CCDC127: variants seen among roughly 807,000 people sequenced by gnomAD.
CCDC127 encodes coiled-coil domain containing 127, also known as coiled-coil domain-containing protein 127.
A neutral mutation model predicts 4.1 loss-of-function variants in CCDC127; 2 were observed. The ratio of observed to expected loss-of-function variants is 0.49; its 90% CI spans 0.20 to 1.53. The LOEUF (loss-of-function observed/expected upper bound fraction) is 1.53. Ranked by LOEUF, CCDC127 falls within the 40% of genes most tolerant of loss-of-function variation. The pLI, the probability that CCDC127 is intolerant of heterozygous loss-of-function variation, is 0.23. For missense variants in CCDC127, 271 were observed against 322.9 expected (o/e 0.84, Z 1.23); for synonymous variants, 98 against 120.4 (o/e 0.81, Z 1.22).
rs924549009 is a variant in CCDC127, at chr5:200,538, A to G, written c.*4759T>C. On this transcript the variant is annotated 3_prime_UTR_variant, in exon 3 of 3. Transcript: ENST00000296824. ...CTATGCAGAGATATGACACAGAGTG[A>G]CAAGTACTCCGAGGCCCCTGAGAGT... 1 of 152,268 alleles carries G rather than the reference A, an allele frequency of 6.6e-6. No individual in the cohort carries two copies. Among genetic ancestry groups the G allele is most frequent in the Admixed American group, 6.5e-5 (1 of 15,290 alleles). 9.4% of individuals were successfully genotyped at this position (152,268 alleles called of 1,614,324 possible).
chr5:216,678 C>G, intron 2 of CCDC127, 51 bp downstream of exon 2: 2 of 1,612,696 alleles, frequency 1.2e-6, no homozygotes, highest in Non-Finnish European at 1.7e-6. Flanking sequence ...CTCACCGGGG[C>G]TCCACACTCT....
chr5:216,722 G>A lies in CCDC127; in HGVS notation c.121+7C>T. 1 of 1,613,754 alleles carries A rather than the reference G, an allele frequency of 6.2e-7. No individual in the cohort carries two copies. Among genetic ancestry groups the A allele is most frequent in the African/African-American group, 1.3e-5 (1 of 74,962 alleles). On this transcript the variant is annotated splice_region_variant and intron_variant, in intron 2 of 2. Coordinates refer to ENST00000296824, the MANE Select transcript of CCDC127 (RefSeq NM_145265.3). ...AAAACACGAATTTTAAGAAAACCAT[G>A]ACTTACGAAAAGCAGCCAATCCCAG... is the stretch of plus-strand genomic sequence containing the variant.
intron 2 of CCDC127, chr5:215,423 A>G (rs890782884): frequency 1.3e-5 from 2 of 152,204 alleles, no homozygotes; most frequent in Non-Finnish European, 2.9e-5. Context: ...ATGGAAAATG[A>G]GTCACTTCAG....
chr5:215,773 G>A (rs1734368677), intron 2 of CCDC127: 1 of 152,170 alleles, frequency 6.6e-6, no homozygotes, highest in Non-Finnish European at 1.5e-5. Flanking sequence ...TACAACTAGA[G>A]GGCAGTTTTG....
intron 2 of CCDC127, among the ~76,000 whole-genome samples, chr5:208,968 C>G (rs371226968): frequency 7.0e-5 from 10 of 143,448 alleles, no homozygotes; most frequent in African/African-American, 2.8e-4. Context: ...GACTTCAGAG[C>G]AGCTGCCATG....
rs1349848909 is a variant in CCDC127, at chr5:205,053, T to C, written c.*244A>G. 1.2e-5 allele frequency: 6 copies of C among 492,858 alleles called. No homozygotes were observed. The highest frequency in any genetic ancestry group is 2.1e-5 in the Non-Finnish European group (6 of 279,430). 30.5% of individuals were successfully genotyped at this position (492,858 alleles called of 1,614,324 possible). A position where few individuals can be genotyped will look rare whatever the true frequency, so the allele number is the denominator to read the frequency against. ...TATACTGTTCTGCTTAATACAATAC[T>C]GGCAGCCTAAAAATGCTTCAAGAAA... On this transcript the variant is annotated 3_prime_UTR_variant, in exon 3 of 3. Coordinates refer to ENST00000296824, the MANE Select transcript of CCDC127 (RefSeq NM_145265.3).
At chr5:206,958 G>A (rs1213354517) in intron 2 of CCDC127, among the ~76,000 whole-genome samples, 1 of 151,934 alleles carries the variant, frequency 6.6e-6, no homozygotes, top group Non-Finnish European at 1.5e-5. Flanking sequence ...ACTAACTGTG[G>A]GACTCCCTCG....
rs1334769316 is a variant in CCDC127 at position 199,377 on chromosome 5, TG to T, written c.*5919del. The T allele has an allele frequency of 6.4e-6, 1 of 156,524 alleles. No individual in the cohort carries two copies. The highest frequency in any genetic ancestry group is 2.4e-5 in the African/African-American group (1 of 41,480). The allele number at this position is 156,524 out of a possible 1,614,324, so 9.7% of individuals were successfully genotyped here. ...GTGTGGTGGACGTGGCCAAGGGCCC[TG>T]GAACATCAGGGTTGCTCTCATCCAC... On this transcript the variant is annotated 3_prime_UTR_variant, in exon 3 of 3. Coordinates refer to ENST00000296824, the MANE Select transcript of CCDC127 (RefSeq NM_145265.3).
chr5:209,884 C>T (rs1734244222), intron 2 of CCDC127, among the ~76,000 whole-genome samples: 1 of 149,598 alleles, frequency 6.7e-6, no homozygotes, highest in Non-Finnish European at 1.5e-5. Context: ...TCAATTGAAA[C>T]CAAAAAAAAA....
intron 2 of CCDC127, among the ~76,000 whole-genome samples, chr5:208,948 A>G (rs1329718280): frequency 6.6e-6 from 1 of 151,998 alleles, no homozygotes; most frequent in Admixed American, 6.6e-5. Context: ...TGGCAGTATC[A>G]TCTGACAAGG....
chr5:218,113 C>T lies in CCDC127; in HGVS notation c.-31G>A. 8.2e-7 allele frequency: 1 copy of T among 1,220,878 alleles called. No homozygotes were observed. 75.6% of individuals were successfully genotyped at this position (1,220,878 alleles called of 1,614,324 possible). A position where few individuals can be genotyped will look rare whatever the true frequency, so the allele number is the denominator to read the frequency against. ...TCTACCTCGGTCGGGGAGCGCGGGA[C>T]CTCAGCGTTCCCTTAACGCCACCGT... is the stretch of plus-strand genomic sequence containing the variant. On this transcript the variant is annotated 5_prime_UTR_variant, in exon 1 of 3. Transcript: ENST00000296824.
chr5:207,606 G>A (rs949041298), intron 2 of CCDC127, among the ~76,000 whole-genome samples: 4 of 152,210 alleles, frequency 2.6e-5, no homozygotes, highest in African/African-American at 4.8e-5. Flanking sequence ...TCCAGGAGCC[G>A]GATGTGCCTG....
chr5:205,165 T>G lies in CCDC127; in HGVS notation c.*132A>C, dbSNP rs767995144. 1.3e-6 allele frequency: 1 copy of G among 765,834 alleles called. No homozygotes were observed. The allele number at this position is 765,834 out of a possible 1,614,324, so 47.4% of individuals were successfully genotyped here. On this transcript the variant is annotated 3_prime_UTR_variant, in exon 3 of 3. Coordinates refer to ENST00000296824, the MANE Select transcript of CCDC127 (RefSeq NM_145265.3). ...ACTTCTGCTCAGACGGTGGCGGGAG[T>G]GGAGGTCGCTGCTGAAGGGTGACGG...
intron 2 of CCDC127, chr5:215,841 T>C (rs1035191571): frequency 6.6e-6 from 1 of 152,080 alleles, no homozygotes; most frequent in Non-Finnish European, 1.5e-5. Flanking sequence ...CCCAGAACCA[T>C]GGAATGTGAA....
chr5:213,289 C>G (rs878888680), intron 2 of CCDC127, among the ~76,000 whole-genome samples: 5 of 42,944 alleles, frequency 1.2e-4, no homozygotes, highest in African/African-American at 4.3e-4. Context: ...GCAGCCACGA[C>G]GAGACAGCAC....
chr5:206,384 A>T (rs1219072416), intron 2 of CCDC127, among the ~76,000 whole-genome samples: 1 of 152,272 alleles, frequency 6.6e-6, no homozygotes, highest in Non-Finnish European at 1.5e-5. Context: ...ATAAGGACAC[A>T]TAAAAATAAA....
chr5:207,436 G>C (rs1354534820), intron 2 of CCDC127, among the ~76,000 whole-genome samples: 3 of 152,218 alleles, frequency 2.0e-5, no homozygotes, highest in Non-Finnish European at 4.4e-5. Flanking sequence ...TGTGAGGAGA[G>C]AGAAGGGAAG....
Position 205,407 on chromosome 5 carries a change from T to A in CCDC127, c.673A>T (p.Thr225Ser). 1 of 1,614,250 alleles carries A rather than the reference T, an allele frequency of 6.2e-7. No individual in the cohort carries two copies. Among genetic ancestry groups the A allele is most frequent in the Non-Finnish European group, 8.5e-7 (1 of 1,180,042 alleles). ...AGTCTGCCATTCTGGCGTTTGTTGG[T>A]GTTCCAGACATCACCACAGTATGTA... ...HDTYCGDVWNTNKRQNGRLMW... is the reference protein window; with the variant it reads ...HDTYCGDVWNSNKRQNGRLMW... The change falls in exon 3 of 3, where the codon ACC becomes TCC. Residue 225 changes from threonine to serine, a missense_variant. By Grantham distance (58) the Thr-to-Ser change is moderately conservative. Around this residue, in one of 2 missense-constraint regions of CCDC127, gnomAD observed 265 missense variants for 270.9 expected, o/e 0.98. Coordinates refer to ENST00000296824, the MANE Select transcript of CCDC127 (RefSeq NM_145265.3).
intron 2 of CCDC127, among the ~76,000 whole-genome samples, chr5:208,553 C>T (rs1468354161): frequency 6.6e-6 from 1 of 152,248 alleles, no homozygotes; most frequent in East Asian, 1.9e-4. Flanking sequence ...CTCCCACTCC[C>T]ACCCAGCAGC....
Sources: allele counts gnomAD v4.1 joint callset (sites outside exome capture counted in the v4.1 genomes callset), GRCh38; gene constraint gnomAD v4.1.1; regional missense constraint gnomAD v4.1.1; transcripts MANE v1.5; gene names NCBI Gene and HGNC (gene_info 2026-07-23, HGNC 2026-07-21).